The following CDK5RAP2 variants were observed in gnomAD, a reference collection of about 807,000 sequenced individuals.
CDK5RAP2 encodes CDK5 regulatory subunit associated protein 2, also known as CDK5 regulatory subunit-associated protein 2.
Under a neutral mutation model 232.9 loss-of-function variants are expected in CDK5RAP2, and 147 were observed. The ratio of observed to expected loss-of-function variants is 0.63; its 90% CI spans 0.55 to 0.72. The LOEUF is 0.72. Among genes scored for constraint, CDK5RAP2 ranks in the 30% least tolerant of loss-of-function variants. CDK5RAP2 has a pLI of 0.00. For missense variants in CDK5RAP2, 2,195 were observed against 2,231.5 expected, an observed-to-expected ratio of 0.98 and a Z score of 0.33; for synonymous variants, 833 against 833.7, an observed-to-expected ratio of 1.00 and a Z score of 0.01.
intron 3 of CDK5RAP2, among the ~76,000 whole-genome samples, chr9:120,565,840 C>T (rs1369435930): frequency 6.6e-6 from 1 of 152,240 alleles, no homozygotes; most frequent in Non-Finnish European, 1.5e-5. Flanking sequence ...TCTGTCCCTG[C>T]ACTATTTTCC....
chr9:120,476,181 T>G (rs2131557165), intron 15 of CDK5RAP2, among the ~76,000 whole-genome samples: 1 of 151,918 alleles, frequency 6.6e-6, no homozygotes, highest in South Asian at 2.1e-4. Context: ...GATTCTTTTT[T>G]AACTTTTCAT....
intron 24 of CDK5RAP2, 72 bp from the exon 25 acceptor site, chr9:120,437,599 GA>G: frequency 9.1e-7 from 1 of 1,096,840 alleles, no homozygotes; most frequent in South Asian, 1.3e-5. Context: ...ACACTAATTG[GA>G]AAAATGACAG....
chr9:120,571,888 G>A, intron 2 of CDK5RAP2, 86 bp downstream of exon 2: 1 of 1,080,774 alleles, frequency 9.3e-7, no homozygotes, highest in Non-Finnish European at 1.4e-6. Context: ...CTGGGCCCCA[G>A]AGATATGAAA....
intron 20 of CDK5RAP2, among the ~76,000 whole-genome samples, chr9:120,455,854 C>A (rs1261312789): frequency 6.6e-6 from 1 of 151,964 alleles, no homozygotes; most frequent in Non-Finnish European, 1.5e-5. Context: ...GGAATGACTG[C>A]AAAATATGCA....
chr9:120,500,190 A>G (rs1311680199), intron 12 of CDK5RAP2, among the ~76,000 whole-genome samples: 2 of 152,210 alleles, frequency 1.3e-5, no homozygotes, highest in African/African-American at 4.8e-5. Flanking sequence ...ATTTTAATGC[A>G]TATCTCTTAG....
chr9:120,389,172 T>C lies in CDK5RAP2; in HGVS notation c.*64A>G, dbSNP rs1027057304. On this transcript the variant is annotated 3_prime_UTR_variant, in exon 38 of 38. Transcript: ENST00000349780. ...TTCCTCAATAAATAGGAACCACACT[T>C]GGAACAAAGAGACAGCGTGAGCTCG... is the stretch of plus-strand genomic sequence containing the variant. 2 of 1,343,764 alleles carry C rather than the reference T, an allele frequency of 1.5e-6. No individual in the cohort carries two copies. The highest frequency in any genetic ancestry group is 1.4e-5 in the African/African-American group (1 of 69,388). The allele number at this position is 1,343,764 out of a possible 1,614,324, so 83.2% of individuals were successfully genotyped here.
At chr9:120,546,708 C>T (rs1783172445) in intron 4 of CDK5RAP2, among the ~76,000 whole-genome samples, 1 of 152,132 alleles carries the variant, frequency 6.6e-6, no homozygotes, top group African/African-American at 2.4e-5. Context: ...TCATAGCTCA[C>T]TGCAGGCCTC....
At chr9:120,545,864 T>C (rs2041821000) in intron 4 of CDK5RAP2, 74 bp from the exon 5 acceptor site, 1 of 1,167,822 alleles carries the variant, frequency 8.6e-7, no homozygotes, top group Non-Finnish European at 1.3e-6. Flanking sequence ...ATGGGGAAAC[T>C]GCTTCCAGCA....
chr9:120,537,613 C>G (rs2041449027), intron 6 of CDK5RAP2, among the ~76,000 whole-genome samples: 1 of 151,856 alleles, frequency 6.6e-6, no homozygotes, highest in South Asian at 2.1e-4. Context: ...AGGTCTGAAG[C>G]CAGACTACCT....
At position 120,403,904 on chromosome 9, in the gene CDK5RAP2, G is replaced by T; in HGVS notation, c.5041+132C>A. ...GAGAAGATCACCAGCTGGGGATGCTGAGAACTTGAAATCCCAAATCCTTAC... is the reference window on the plus strand; with the variant it reads ...GAGAAGATCACCAGCTGGGGATGCTTAGAACTTGAAATCCCAAATCCTTAC... On this transcript the variant is annotated intron_variant, in intron 33 of 37. Transcript: ENST00000349780. This position sits in a 1 kb window ranked among gnomAD's most constrained non-coding sequence, Gnocchi z 4.2. 1 of 713,086 alleles carries T rather than the reference G, an allele frequency of 1.4e-6. No homozygotes were observed. Among genetic ancestry groups the T allele is most frequent in the South Asian group, 1.5e-5 (1 of 66,846 alleles). The allele number at this position is 713,086 out of a possible 1,614,324, so 44.2% of individuals were successfully genotyped here.
chr9:120,411,290 C>A, intron 29 of CDK5RAP2, 68 bp downstream of exon 29: 1 of 953,448 alleles, frequency 1.0e-6, no homozygotes, highest in Admixed American at 1.7e-5. Context: ...GACTCCAATG[C>A]CTGCATTCTT....
chr9:120,449,905 A>G (rs2036395199), intron 21 of CDK5RAP2, among the ~76,000 whole-genome samples: 1 of 152,202 alleles, frequency 6.6e-6, no homozygotes. Flanking sequence ...ACCCTCACAC[A>G]CTGCTGGTGA....
At position 120,536,364 on chromosome 9, in the gene CDK5RAP2, A is replaced by G. The variant is rs763597840; in HGVS notation, c.662+8T>C. 1.2e-6 allele frequency: 2 copies of G among 1,613,966 alleles called. No homozygotes were observed. Among genetic ancestry groups the G allele is most frequent in the Non-Finnish European group, 1.7e-6 (2 of 1,179,802 alleles). ...GATGTCAGGGTATGACAGGGACAAG[A>G]GCCAGACCTGTCTTTCTCATCCAGG... On this transcript the variant is annotated splice_region_variant and intron_variant, in intron 7 of 37. Coordinates refer to ENST00000349780, the MANE Select transcript of CDK5RAP2 (RefSeq NM_018249.6).
intron 3 of CDK5RAP2, among the ~76,000 whole-genome samples, chr9:120,562,337 C>T (rs894956441): frequency 1.3e-5 from 2 of 152,132 alleles, no homozygotes; most frequent in Non-Finnish European, 2.9e-5. Context: ...CCAGGACATG[C>T]GAGGTACGGG....
intron 14 of CDK5RAP2, among the ~76,000 whole-genome samples, chr9:120,485,599 A>G (rs948998499): frequency 2.0e-5 from 3 of 152,232 alleles, no homozygotes; most frequent in Admixed American, 6.5e-5. Context: ...CTAAAATGTG[A>G]TTCAAAATAG....
Position 120,439,253 on chromosome 9 carries a change from C to A in CDK5RAP2, c.3722+146G>T, listed in dbSNP as rs142782543. ...CCTCTCCCTTCTCCACAGGACCTGG[C>A]TGCCTGAACCCCACCATCAAGCCTT... On this transcript the variant is annotated intron_variant, in intron 24 of 37. Coordinates refer to ENST00000349780, the MANE Select transcript of CDK5RAP2 (RefSeq NM_018249.6). 4.3e-4 allele frequency: 322 copies of A among 756,606 alleles called. 3 individuals carry two copies. The highest frequency in any genetic ancestry group is 4.1e-3 in the African/African-American group (237 of 58,446). The allele number at this position is 756,606 out of a possible 1,614,324, so 46.9% of individuals were successfully genotyped here.
chr9:120,438,180 C>A (rs1195779705), intron 24 of CDK5RAP2, among the ~76,000 whole-genome samples: 1 of 152,102 alleles, frequency 6.6e-6, no homozygotes, highest in East Asian at 1.9e-4. Flanking sequence ...ACCTTTTTAC[C>A]GTCATGTGCC....
rs149308458 is a variant in CDK5RAP2, at chr9:120,546,355, C to T, written c.307-565G>A. 2.4e-3 allele frequency among the ~76,000 whole-genome samples: 358 copies of T among 152,272 alleles called. 4 individuals are homozygous for T. The highest frequency in any genetic ancestry group is 8.2e-3 in the African/African-American group (341 of 41,548). ...GGGGCAAGCTGTCTATAAGGAGCACCGCAATGTTCTCCAACCAAATGTCTT... is the reference window on the plus strand; with the variant it reads ...GGGGCAAGCTGTCTATAAGGAGCACTGCAATGTTCTCCAACCAAATGTCTT... On this transcript the variant is annotated intron_variant, in intron 4 of 37. Transcript: ENST00000349780.
In CDK5RAP2 at chr9:120,445,331, C is replaced by A. The variant is rs149457519; in HGVS notation, c.3026-1589G>T. 1.4e-3 allele frequency among the ~76,000 whole-genome samples: 213 copies of A among 152,316 alleles called. 2 individuals are homozygous for A. Among genetic ancestry groups the A allele is most frequent in the African/African-American group, 4.9e-3 (205 of 41,562 alleles). On this transcript the variant is annotated intron_variant, in intron 22 of 37. Transcript: ENST00000349780. Reference sequence around the variant, plus strand: ...GCTTCCAGAAGATACCACCAACGACCCCACTTTACTGTAATCATCCATGGT... The same window carrying A: ...GCTTCCAGAAGATACCACCAACGACACCACTTTACTGTAATCATCCATGGT...
Sources: allele counts gnomAD v4.1 joint callset (sites outside exome capture counted in the v4.1 genomes callset), GRCh38; gene constraint gnomAD v4.1.1; non-coding constraint Gnocchi (gnomAD v3.1); transcripts MANE v1.5; gene names NCBI Gene and HGNC (gene_info 2026-07-23, HGNC 2026-07-21).